Variants in DOCK8 observed in about 807,000 individuals in gnomAD.
DOCK8 encodes the protein dedicator of cytokinesis protein 8.
A neutral mutation model predicts 245.6 loss-of-function variants in DOCK8; 141 were observed. The observed-to-expected ratio is 0.57, with a 90% CI of 0.50 to 0.66. The LOEUF (loss-of-function observed/expected upper bound fraction) is 0.66. DOCK8 is among the 30% of genes least tolerant of loss of function. The probability of loss-of-function intolerance (pLI) is 0.00; values close to 1 mark genes in which losing one functional copy is unlikely to be tolerated. For missense variants in DOCK8, 2,965 were observed against 2,603.4 expected, an observed-to-expected ratio of 1.14 and a Z score of -3.02; for synonymous variants, 1,168 against 970.2, an observed-to-expected ratio of 1.20 and a Z score of -3.79.
intron 10 of DOCK8, among the ~76,000 whole-genome samples, chr9:333,564 G>A (rs113930175): frequency 1.4e-4 from 21 of 150,872 alleles, no homozygotes; most frequent in Non-Finnish European, 1.9e-4. Flanking sequence ...TCGTGCCACT[G>A]CACTCCAGCC....
upstream of DOCK8, chr9:214,183 G>C (rs1167503146): frequency 3.0e-6 from 1 of 335,642 alleles, no homozygotes; most frequent in Non-Finnish European, 5.5e-6. Context: ...TTTTTATCTT[G>C]AGTTTGAGGC....
At chr9:395,531 T>G (rs375251898) in intron 24 of DOCK8, among the ~76,000 whole-genome samples, 1 of 149,376 alleles carries the variant, frequency 6.7e-6, no homozygotes, top group African/African-American at 2.5e-5. Flanking sequence ...TCCAGTGCCA[T>G]TAGTAGTAGT....
chr9:456,100 C>T (rs956617540), intron 46 of DOCK8: 1 of 152,192 alleles, frequency 6.6e-6, no homozygotes, highest in African/African-American at 2.4e-5. Context: ...GATCAGAAGT[C>T]GTGGGTGAGA....
chr9:399,348 C>T (rs1190201021), intron 26 of DOCK8, 89 bp downstream of exon 26: 1 of 949,290 alleles, frequency 1.1e-6, no homozygotes, highest in East Asian at 2.5e-5. Context: ...ACGCTGTCTT[C>T]TTCATTACTG....
chr9:314,376 A>G (rs1234593807), intron 6 of DOCK8: 2 of 152,220 alleles, frequency 1.3e-5, no homozygotes, highest in Non-Finnish European at 2.9e-5. Flanking sequence ...TGCAGAGAAT[A>G]TGTCCAGTGA....
rs376633022 is a variant in DOCK8 at position 376,973 on chromosome 9, G to A, written c.2206-4G>A. ...CCCATGAGGCCTGCCTTCTCCCTTC[G>A]CAGGACAACCACCTGGAGAAGTTCT... On this transcript the variant is annotated splice_polypyrimidine_tract_variant and splice_region_variant and intron_variant, in intron 19 of 47. Transcript: ENST00000432829. 42 of 1,613,114 alleles carry A rather than the reference G, an allele frequency of 2.6e-5. No homozygotes were observed. Among genetic ancestry groups the A allele is most frequent in the South Asian group, 3.3e-5 (3 of 90,938 alleles).
intron 1 of DOCK8, among the ~76,000 whole-genome samples, chr9:266,668 GA>G (rs1307541385): frequency 6.6e-6 from 1 of 152,048 alleles, no homozygotes; most frequent in South Asian, 2.1e-4. Flanking sequence ...CTGCTGATCT[GA>G]AAAAAACATA....
At chr9:328,841 A>G (rs1216089717) in intron 9 of DOCK8, among the ~76,000 whole-genome samples, 4 of 152,060 alleles carry the variant, frequency 2.6e-5, no homozygotes, top group African/African-American at 4.8e-5. Flanking sequence ...CTGTTGTAAG[A>G]AAACCAGATC....
chr9:299,061 T>A (rs1425197172), intron 4 of DOCK8, among the ~76,000 whole-genome samples: 1 of 152,208 alleles, frequency 6.6e-6, no homozygotes, highest in Non-Finnish European at 1.5e-5. Flanking sequence ...CAGTATATTG[T>A]TATTTGGGGT....
At chr9:222,948 T>C (rs1015253244) in intron 1 of DOCK8, among the ~76,000 whole-genome samples, 1 of 152,336 alleles carries the variant, frequency 6.6e-6, no homozygotes, top group Middle Eastern at 3.4e-3. Flanking sequence ...AATCCCTTTC[T>C]ATCGCAAAAT....
rs573992313 is a variant in DOCK8 at position 314,411 on chromosome 9, T to C, written c.741+2245T>C. The stretch of plus-strand genomic sequence containing the variant: ...AGACGTTTGCTTGTCAGTGTCTCCC[T>C]GGTGGTATTAGAGGGGAGAATGTTC... On this transcript the variant is annotated intron_variant, in intron 6 of 47. Coordinates refer to ENST00000432829, the MANE Select transcript of DOCK8 (RefSeq NM_203447.4). 39 of 152,364 alleles carry C rather than the reference T, an allele frequency of 2.6e-4. 1 individual carries two copies. The highest frequency in any genetic ancestry group is 9.1e-4 in the African/African-American group (38 of 41,588). The allele number at this position is 152,364 out of a possible 1,614,324, so 9.4% of individuals were successfully genotyped here. A position where few individuals can be genotyped will look rare whatever the true frequency, so the allele number is the denominator to read the frequency against.
At chr9:340,371 A>G in intron 14 of DOCK8, 50 bp downstream of exon 14, 1 of 1,611,282 alleles carries the variant, frequency 6.2e-7, no homozygotes, top group Non-Finnish European at 8.5e-7. Context: ...CCATAATCCC[A>G]TAACTTTGGG....
intron 1 of DOCK8, among the ~76,000 whole-genome samples, chr9:231,821 A>G (rs1165570439): frequency 6.6e-6 from 1 of 152,186 alleles, no homozygotes; most frequent in Admixed American, 6.5e-5. Context: ...GGTTTTCAAG[A>G]TATAAATCAT....
intron 1 of DOCK8, among the ~76,000 whole-genome samples, chr9:250,560 T>A (rs1563841035): frequency 6.6e-6 from 1 of 152,224 alleles, no homozygotes; most frequent in Non-Finnish European, 1.5e-5. Flanking sequence ...TGCTTCCCCA[T>A]GTTTTAGAAA....
At chr9:420,730 A>G (rs1370609692) in intron 31 of DOCK8, 147 bp downstream of exon 31, 2 of 1,237,778 alleles carry the variant, frequency 1.6e-6, no homozygotes, top group East Asian at 2.4e-5. Flanking sequence ...TTGTAGGTAT[A>G]GATATGATCA....
At chr9:229,872 C>T (rs936911916) in intron 1 of DOCK8, among the ~76,000 whole-genome samples, 2 of 151,272 alleles carry the variant, frequency 1.3e-5, no homozygotes, top group Non-Finnish European at 3.0e-5. Flanking sequence ...TTATTTTTTT[C>T]TTTTCATTTA....
At chr9:234,625 T>C (rs1290441382) in intron 1 of DOCK8, among the ~76,000 whole-genome samples, 10 of 152,214 alleles carry the variant, frequency 6.6e-5, no homozygotes, top group Admixed American at 5.9e-4. Context: ...TAAACTTCTC[T>C]TCTCACTTCA....
chr9:367,711 T>G (rs143757173), intron 14 of DOCK8, among the ~76,000 whole-genome samples: 27 of 152,360 alleles, frequency 1.8e-4, no homozygotes, highest in African/African-American at 6.5e-4. Context: ...GCCTTCTTTA[T>G]CTGTGTATCA....
chr9:302,961 C>T (rs1438924634), intron 4 of DOCK8, among the ~76,000 whole-genome samples: 1 of 150,178 alleles, frequency 6.7e-6, no homozygotes, highest in African/African-American at 2.5e-5. Context: ...GACTGTGTCT[C>T]TACAAAACAT....
Sources: gnomAD v4.1 joint callset for allele counts (sites outside exome capture counted in the v4.1 genomes callset) on GRCh38, gnomAD v4.1.1 for gene constraint, MANE v1.5 for transcripts, NCBI Gene and HGNC (gene_info 2026-07-23, HGNC 2026-07-21) for gene names.